NUP93: variants seen among roughly 807,000 people sequenced by gnomAD.
NUP93 encodes nucleoporin 93.
A neutral mutation model predicts 107.8 loss-of-function variants in NUP93; 55 were observed. The ratio of observed to expected loss-of-function variants is 0.51; its 90% CI spans 0.41 to 0.64. NUP93 has a LOEUF of 0.64. NUP93 is among the 30% of genes least tolerant of loss of function. NUP93 has a pLI of 0.00. For missense variants in NUP93, 937 were observed against 1,044.7 expected (o/e 0.90, Z 1.42); for synonymous variants, 390 against 397.5 (o/e 0.98, Z 0.22).
chr16:56,836,163 T>G (rs1162011529), intron 16 of NUP93, among the ~76,000 whole-genome samples: 1 of 142,924 alleles, frequency 7.0e-6, no homozygotes, highest in Non-Finnish European at 1.6e-5. Flanking sequence ...TGTTACCACT[T>G]GCTGTGTGTT....
intron 2 of NUP93, among the ~76,000 whole-genome samples, chr16:56,757,338 G>T (rs1475997926): frequency 6.6e-6 from 1 of 152,218 alleles, no homozygotes; most frequent in Admixed American, 6.5e-5. Flanking sequence ...TAATGGGCTG[G>T]ATGTGGTGGT....
At chr16:56,827,571 A>G (rs1963694461) in intron 8 of NUP93, among the ~76,000 whole-genome samples, 1 of 152,212 alleles carries the variant, frequency 6.6e-6, no homozygotes, top group African/African-American at 2.4e-5. Flanking sequence ...AAGCAAACCT[A>G]CTACCTACTT....
intron 5 of NUP93, among the ~76,000 whole-genome samples, chr16:56,814,087 C>T (rs1963370043): frequency 6.6e-6 from 1 of 152,204 alleles, no homozygotes; most frequent in African/African-American, 2.4e-5. Context: ...AAACATTCCA[C>T]TTAGAAATTA....
At chr16:56,800,520 G>A (rs1962998130) in intron 4 of NUP93, among the ~76,000 whole-genome samples, 1 of 152,230 alleles carries the variant, frequency 6.6e-6, no homozygotes, top group African/African-American at 2.4e-5. Flanking sequence ...AGTGCAAAAT[G>A]TGTGCATATG....
chr16:56,732,334 T>C (rs1446934217), intron 1 of NUP93, among the ~76,000 whole-genome samples: 1 of 152,218 alleles, frequency 6.6e-6, no homozygotes, highest in Non-Finnish European at 1.5e-5. Context: ...ACTAGATGAA[T>C]GTTACTGGCA....
intron 5 of NUP93, among the ~76,000 whole-genome samples, chr16:56,812,600 C>A (rs1033757331): frequency 1.3e-5 from 2 of 152,134 alleles, no homozygotes; most frequent in Non-Finnish European, 2.9e-5. Flanking sequence ...GCCTCGGCCT[C>A]CCAAAGTGCT....
intron 15 of NUP93, 66 bp from the exon 16 acceptor site, chr16:56,834,667 CT>C: frequency 7.0e-7 from 1 of 1,437,078 alleles, no homozygotes; most frequent in Non-Finnish European, 9.7e-7. Flanking sequence ...TCTTTTTTCT[CT>C]GAAGACTTAT....
chr16:56,749,641 G>A (rs1234953582), intron 2 of NUP93, among the ~76,000 whole-genome samples: 1 of 152,230 alleles, frequency 6.6e-6, no homozygotes, highest in African/African-American at 2.4e-5. Flanking sequence ...TTTAACAGAT[G>A]TCACAGGAGT....
intron 1 of NUP93, among the ~76,000 whole-genome samples, chr16:56,735,909 C>G (rs1961606154): frequency 6.6e-6 from 1 of 151,168 alleles, no homozygotes; most frequent in Non-Finnish European, 1.5e-5. Flanking sequence ...GAGGAGGAAG[C>G]CCATGTTCTA....
At position 56,794,363 on chromosome 16, in the gene NUP93, G is replaced by A. The variant is rs1038825625; in HGVS notation, c.298-4113G>A. On this transcript the variant is annotated intron_variant, in intron 3 of 21. Transcript: ENST00000308159. ...GGTGAGGTTTGACACACACACACAC[G>A]CTTCATTTAATTTATTGAGAGTTCT... Among the ~76,000 whole-genome samples, 4 of 151,726 alleles carry A rather than the reference G, an allele frequency of 2.6e-5. No individual in the cohort carries two copies. The East Asian group carries it at 5.8e-4, about 22-fold the overall frequency.
chr16:56,819,002 C>A lies in NUP93; in HGVS notation c.564+264C>A, dbSNP rs1963491048. The stretch of plus-strand genomic sequence containing the variant: ...CAGTATGCATTTTTGGCAATAGTCC[C>A]ATGTACAGTAAAGCTTCAGGTAACT... On this transcript the variant is annotated intron_variant, in intron 6 of 21. Transcript: ENST00000308159. Among the ~76,000 whole-genome samples, 4 of 152,316 alleles carry A rather than the reference C, an allele frequency of 2.6e-5. No homozygotes were observed. In the South Asian group the frequency reaches 8.3e-4, roughly 32 times the overall value.
chr16:56,761,036 A>G (rs1432336618), intron 3 of NUP93, among the ~76,000 whole-genome samples: 1 of 152,200 alleles, frequency 6.6e-6, no homozygotes, highest in Non-Finnish European at 1.5e-5. Flanking sequence ...AAAATGCAAA[A>G]TGGTCAGTCC....
chr16:56,816,494 A>G (rs759453691), intron 5 of NUP93, among the ~76,000 whole-genome samples: 2 of 152,172 alleles, frequency 1.3e-5, no homozygotes, highest in Non-Finnish European at 2.9e-5. Context: ...TAGCACATCC[A>G]TCTACTTTAG....
intron 7 of NUP93, among the ~76,000 whole-genome samples, 198 bp downstream of exon 7, chr16:56,821,791 C>T (rs1272893101): frequency 1.3e-5 from 2 of 151,784 alleles, no homozygotes; most frequent in Non-Finnish European, 2.9e-5. Context: ...CTTCAAAAGG[C>T]CCTGCCAGTA....
intron 15 of NUP93, 51 bp downstream of exon 15, chr16:56,834,493 C>T: frequency 6.4e-7 from 1 of 1,558,362 alleles, no homozygotes. Context: ...TGTGCATGTC[C>T]CATGCTCATT....
At chr16:56,772,556 A>G (rs1379916928) in intron 3 of NUP93, among the ~76,000 whole-genome samples, 1 of 152,130 alleles carries the variant, frequency 6.6e-6, no homozygotes, top group Non-Finnish European at 1.5e-5. Flanking sequence ...TTTTCTATGG[A>G]ATGACATTTC....
chr16:56,825,205 CTTTTTTTTTTTT>C (rs34378384), intron 8 of NUP93, among the ~76,000 whole-genome samples: 6 of 76,344 alleles, frequency 7.9e-5, no homozygotes, highest in Admixed American at 4.7e-4. Context: ...CCATACCCAG[CTTTTTTTTTTTT>C]TTTTTTTTTT....
At position 56,846,069 on chromosome 16, in the gene NUP93, A is replaced by G. The variant is rs1567417415; in HGVS notation, c.*1460A>G. 6.6e-6 allele frequency: 1 copy of G among 152,166 alleles called. No homozygotes were observed. Among genetic ancestry groups the G allele is most frequent in the Non-Finnish European group, 1.5e-5 (1 of 68,048 alleles). 9.4% of individuals were successfully genotyped at this position (152,166 alleles called of 1,614,324 possible). A position where few individuals can be genotyped will look rare whatever the true frequency, so the allele number is the denominator to read the frequency against. ...TGATTTAGCAAGTTGTGCCCTGCTT[A>G]TATGTGCTGATTTAAGCTAATCAAA... On this transcript the variant is annotated 3_prime_UTR_variant, in exon 22 of 22. Coordinates refer to ENST00000308159, the MANE Select transcript of NUP93 (RefSeq NM_014669.5).
intron 3 of NUP93, among the ~76,000 whole-genome samples, chr16:56,774,944 G>C (rs1271071290): frequency 6.7e-6 from 1 of 150,212 alleles, no homozygotes; most frequent in Non-Finnish European, 1.5e-5. Context: ...CTGTTGCCCA[G>C]GCTGGAGTGC....
Sources: allele counts gnomAD v4.1 joint callset (sites outside exome capture counted in the v4.1 genomes callset), GRCh38; gene constraint gnomAD v4.1.1; transcripts MANE v1.5; gene names NCBI Gene and HGNC (gene_info 2026-07-23, HGNC 2026-07-21).